Variants in ASPRV1 observed in about 807,000 individuals in gnomAD.
The protein encoded by ASPRV1 is retroviral-like aspartic protease 1.
Under a neutral mutation model 11.0 loss-of-function variants are expected in ASPRV1, and 7 were observed. That is an observed-to-expected ratio of 0.64 (90% CI 0.36 to 1.20). The LOEUF is 1.20. Ranked by LOEUF, ASPRV1 falls within the 50% of genes most tolerant of loss-of-function variation. The pLI is 0.02. For missense variants in ASPRV1, 299 were observed against 320.0 expected, an observed-to-expected ratio of 0.93 and a Z score of 0.50; for synonymous variants, 136 against 138.4, an observed-to-expected ratio of 0.98 and a Z score of 0.12.
chr2:69,944,521 A>G, the ASPRV1 span, among the ~76,000 whole-genome samples: 8 of 152,130 alleles, frequency 5.3e-5, no homozygotes, highest in African/African-American at 1.9e-4. Flanking sequence ...CCCCAAACCC[A>G]CAGAGCTAGT....
At chr2:70,076,601 G>C in the ASPRV1 span, among the ~76,000 whole-genome samples, 1 of 152,300 alleles carries the variant, frequency 6.6e-6, no homozygotes, top group African/African-American at 2.4e-5. Context: ...AATACCGTAA[G>C]TCAAAAACAT....
chr2:70,029,076 G>A, the ASPRV1 span, among the ~76,000 whole-genome samples: 2 of 152,180 alleles, frequency 1.3e-5, no homozygotes, highest in Admixed American at 6.5e-5. Context: ...CTCAGAGTAG[G>A]GGGTAGGGGA....
At chr2:69,944,634 T>C in the ASPRV1 span, among the ~76,000 whole-genome samples, 1 of 152,230 alleles carries the variant, frequency 6.6e-6, no homozygotes, top group Admixed American at 6.5e-5. Flanking sequence ...GTCTTCCATA[T>C]ACGGCATCTT....
chr2:70,014,451 G>C, the ASPRV1 span: 9 of 152,058 alleles, frequency 5.9e-5, no homozygotes, highest in Admixed American at 3.3e-4. Context: ...AAAAAAAGGA[G>C]ACATATGGGA....
chr2:70,072,484 A>G, the ASPRV1 span, among the ~76,000 whole-genome samples: 1 of 151,482 alleles, frequency 6.6e-6, no homozygotes, highest in African/African-American at 2.4e-5. Flanking sequence ...GCACTTTGGG[A>G]GGCCGAGGCG....
At chr2:70,006,326 A>G in the ASPRV1 span, among the ~76,000 whole-genome samples, 1 of 152,214 alleles carries the variant, frequency 6.6e-6, no homozygotes, top group African/African-American at 2.4e-5. Context: ...CAAGGCCTGG[A>G]GGTCCCACAG....
the ASPRV1 span, among the ~76,000 whole-genome samples, chr2:69,979,036 GTTTGTT>G: frequency 1.3e-5 from 2 of 152,014 alleles, no homozygotes; most frequent in Non-Finnish European, 2.9e-5. Context: ...CGTGTTTTTT[GTTTGTT>G]TTTGTTTTTT....
the ASPRV1 span, among the ~76,000 whole-genome samples, chr2:70,023,330 T>C: frequency 1.5e-3 from 226 of 152,240 alleles, no homozygotes; most frequent in Non-Finnish European, 2.5e-3. Flanking sequence ...TAGTCATGAT[T>C]TGCAGGGGAG....
At chr2:69,990,582 A>C in the ASPRV1 span, among the ~76,000 whole-genome samples, 4 of 151,882 alleles carry the variant, frequency 2.6e-5, no homozygotes, top group Non-Finnish European at 5.9e-5. Context: ...GGCTCATGTG[A>C]TCCTCCCACC....
chr2:70,071,924 C>T, the ASPRV1 span, among the ~76,000 whole-genome samples: 2 of 150,996 alleles, frequency 1.3e-5, no homozygotes, highest in South Asian at 2.1e-4. Flanking sequence ...GGCAACATAG[C>T]GAGACCCAGT....
the ASPRV1 span, among the ~76,000 whole-genome samples, chr2:70,042,500 C>G: frequency 6.6e-6 from 1 of 152,106 alleles, no homozygotes; most frequent in African/African-American, 2.4e-5. Context: ...GAAGTCCAGG[C>G]AGAGGAACAA....
the ASPRV1 span, among the ~76,000 whole-genome samples, chr2:70,022,666 G>A: frequency 6.6e-6 from 1 of 152,030 alleles, no homozygotes; most frequent in South Asian, 2.1e-4. Flanking sequence ...CTCCAGCCTG[G>A]ATGACAGAGT....
the ASPRV1 span, among the ~76,000 whole-genome samples, chr2:70,060,707 T>C: frequency 3.3e-5 from 5 of 152,078 alleles, no homozygotes; most frequent in African/African-American, 1.2e-4. Context: ...TCCCAGCTAC[T>C]TGGGAGGCTG....
the ASPRV1 span, among the ~76,000 whole-genome samples, chr2:70,039,262 G>A: frequency 6.6e-5 from 10 of 152,090 alleles, no homozygotes; most frequent in East Asian, 1.9e-4. Context: ...AGTCTGCAAC[G>A]CATATAAAGG....
the ASPRV1 span, among the ~76,000 whole-genome samples, chr2:69,945,852 G>A: frequency 6.6e-6 from 1 of 152,214 alleles, no homozygotes; most frequent in Non-Finnish European, 1.5e-5. Context: ...AAGGGCAGGG[G>A]CTTTTCTAGG....
the ASPRV1 span, chr2:70,028,678 T>A: frequency 6.6e-6 from 1 of 152,266 alleles, no homozygotes; most frequent in Non-Finnish European, 1.5e-5. Flanking sequence ...AATAGATTCA[T>A]GTCATAGTCA....
chr2:70,058,877 C>G, the ASPRV1 span, among the ~76,000 whole-genome samples: 1 of 147,382 alleles, frequency 6.8e-6, no homozygotes, highest in Non-Finnish European at 1.5e-5. Context: ...AGTTTTATTA[C>G]CCAACTTTTT....
the ASPRV1 span, among the ~76,000 whole-genome samples, chr2:69,944,056 C>CCTT: frequency 3.3e-5 from 5 of 152,180 alleles, no homozygotes; most frequent in Middle Eastern, 3.2e-3. Flanking sequence ...GGGGTGGCAG[C>CCTT]TGGGCCCTTT....
At chr2:70,049,612 A>G in the ASPRV1 span, 1 of 152,214 alleles carries the variant, frequency 6.6e-6, no homozygotes, top group African/African-American at 2.4e-5. Flanking sequence ...TTTTTTGAAC[A>G]ACATAGACTT....
Sources: allele counts gnomAD v4.1 joint callset (sites outside exome capture counted in the v4.1 genomes callset), GRCh38; gene constraint gnomAD v4.1.1; transcripts MANE v1.5; gene names NCBI Gene and HGNC (gene_info 2026-07-23, HGNC 2026-07-21).